The following MAD1L1 variants were observed in gnomAD, a reference collection of about 807,000 sequenced individuals.
MAD1L1 encodes the protein mitotic spindle assembly checkpoint protein MAD1.
Under a neutral mutation model 96.9 loss-of-function variants are expected in MAD1L1, and 95 were observed. The ratio of observed to expected loss-of-function variants is 0.98; its 90% CI spans 0.83 to 1.16. The LOEUF is 1.16. Among genes scored for constraint, MAD1L1 ranks in the 50% most tolerant of loss-of-function variants. The pLI, the probability that MAD1L1 is intolerant of heterozygous loss-of-function variation, is 0.00. For synonymous variants in MAD1L1, 473 were observed against 396.6 expected (o/e 1.19, Z -2.29); for missense variants, 1,007 against 954.4 (o/e 1.06, Z -0.73).
intron 10 of MAD1L1, among the ~76,000 whole-genome samples, chr7:2,159,495 C>G (rs150803294): frequency 5.3e-4 from 80 of 152,338 alleles, no homozygotes; most frequent in African/African-American, 1.9e-3. Context: ...CAGCTGAGAT[C>G]CTGCATCTTT....
At chr7:2,183,457 GTT>G (rs1466345885) in intron 10 of MAD1L1, among the ~76,000 whole-genome samples, 1 of 152,162 alleles carries the variant, frequency 6.6e-6, no homozygotes, top group Admixed American at 6.5e-5. Context: ...ACAAAGCTAT[GTT>G]TATTGCGGCA....
chr7:2,019,387 A>G (rs966408407), intron 12 of MAD1L1, among the ~76,000 whole-genome samples: 1 of 152,208 alleles, frequency 6.6e-6, no homozygotes, highest in Non-Finnish European at 1.5e-5. Context: ...AGCGGCAGTA[A>G]TAAGCGCCTC....
At chr7:1,893,973 T>C (rs1786712004) in intron 18 of MAD1L1, among the ~76,000 whole-genome samples, 1 of 152,252 alleles carries the variant, frequency 6.6e-6, no homozygotes, top group Admixed American at 6.5e-5. Context: ...ACTGTTTGTC[T>C]CTTCCCTTTT....
chr7:2,037,688 G>A (rs1426755509), intron 12 of MAD1L1, among the ~76,000 whole-genome samples: 1 of 152,058 alleles, frequency 6.6e-6, no homozygotes, highest in Non-Finnish European at 1.5e-5. Context: ...ATTCTGGGAC[G>A]CCACACACTA....
At chr7:2,011,071 CG>C (rs955873489) in intron 13 of MAD1L1, among the ~76,000 whole-genome samples, 1 of 151,372 alleles carries the variant, frequency 6.6e-6, no homozygotes, top group Non-Finnish European at 1.5e-5. Context: ...GCAGGGGGTT[CG>C]GGGGGAGCAC....
chr7:1,971,606 C>T (rs1018400665), intron 15 of MAD1L1, among the ~76,000 whole-genome samples: 4 of 152,128 alleles, frequency 2.6e-5, no homozygotes, highest in African/African-American at 7.2e-5. Flanking sequence ...AGCTTGAACA[C>T]GTGCACTTAA....
intron 14 of MAD1L1, among the ~76,000 whole-genome samples, chr7:1,987,156 C>G (rs939511561): frequency 3.3e-5 from 5 of 152,232 alleles, no homozygotes. Context: ...CCCCTGCCAG[C>G]TGGAAGTGCC....
chr7:2,163,636 G>C (rs908613840), intron 10 of MAD1L1, among the ~76,000 whole-genome samples: 2 of 152,138 alleles, frequency 1.3e-5, no homozygotes, highest in Non-Finnish European at 2.9e-5. Flanking sequence ...GCCTCCCAAA[G>C]TGCTGAGATT....
chr7:1,935,245 A>T (rs1048974713), intron 17 of MAD1L1, among the ~76,000 whole-genome samples: 2 of 152,226 alleles, frequency 1.3e-5, no homozygotes, highest in Non-Finnish European at 2.9e-5. Context: ...GCGGAGAGGG[A>T]GCCACGGCTG....
At chr7:1,873,339 T>C (rs539297689) in intron 18 of MAD1L1, among the ~76,000 whole-genome samples, 1 of 151,984 alleles carries the variant, frequency 6.6e-6, no homozygotes, top group East Asian at 1.9e-4. Context: ...CTAAATGGGG[T>C]TGTAATTACA....
intron 12 of MAD1L1, among the ~76,000 whole-genome samples, chr7:2,038,909 T>A (rs190551426): frequency 6.6e-6 from 1 of 152,132 alleles, no homozygotes; most frequent in Non-Finnish European, 1.5e-5. Flanking sequence ...TTCCTCCCAA[T>A]AGCAACATCT....
chr7:2,156,411 A>G (rs1326786446), intron 10 of MAD1L1, among the ~76,000 whole-genome samples: 1 of 108,952 alleles, frequency 9.2e-6, no homozygotes, highest in Non-Finnish European at 1.9e-5. Context: ...GCCCCGCCCC[A>G]CCCCACCCCA....
chr7:1,941,000 G>GCCTCCTCTTCCTCTCCCAGGCCTCAA (rs1778965831), intron 16 of MAD1L1, among the ~76,000 whole-genome samples: 2 of 78,078 alleles, frequency 2.6e-5, no homozygotes, highest in African/African-American at 9.3e-5. Context: ...CCAGGCCTCA[G>GCCTCCTCTTCCTCTCCCAGGCCTCAA]CCTCCTCTTC....
intron 18 of MAD1L1, among the ~76,000 whole-genome samples, chr7:1,869,672 G>A (rs1784948942): frequency 6.6e-6 from 1 of 152,284 alleles, no homozygotes; most frequent in South Asian, 2.1e-4. Flanking sequence ...AGCCTGCGTC[G>A]GTAATGAGCT....
chr7:2,212,800 A>G (rs1244376598), intron 10 of MAD1L1, among the ~76,000 whole-genome samples: 1 of 152,152 alleles, frequency 6.6e-6, no homozygotes, highest in Non-Finnish European at 1.5e-5. Flanking sequence ...AGAACAGCCT[A>G]ATACAGTGGG....
chr7:2,112,364 AAGGGAAC>A (rs995218752), intron 11 of MAD1L1, among the ~76,000 whole-genome samples: 27 of 152,172 alleles, frequency 1.8e-4, no homozygotes, highest in African/African-American at 6.5e-4. Context: ...CGGTAAACCT[AAGGGAAC>A]CACAAACAAA....
chr7:2,210,897 G>A (rs907993235), intron 10 of MAD1L1, among the ~76,000 whole-genome samples: 1 of 152,224 alleles, frequency 6.6e-6, no homozygotes, highest in Non-Finnish European at 1.5e-5. Context: ...CCAACTCACA[G>A]GGCCCTCCAC....
chr7:1,842,174 T>G (rs1213895127), intron 18 of MAD1L1, among the ~76,000 whole-genome samples: 1 of 152,222 alleles, frequency 6.6e-6, no homozygotes, highest in Non-Finnish European at 1.5e-5. Context: ...TGTTTGACAC[T>G]AACTACTCAC....
At chr7:2,158,492 C>T (rs1359688278) in intron 10 of MAD1L1, among the ~76,000 whole-genome samples, 1 of 152,242 alleles carries the variant, frequency 6.6e-6, no homozygotes, top group Admixed American at 6.5e-5. Flanking sequence ...GGGGCTCCAG[C>T]CAGAGCCCTG....
Sources: gnomAD v4.1 joint callset for allele counts (sites outside exome capture counted in the v4.1 genomes callset) on GRCh38, gnomAD v4.1.1 for gene constraint, MANE v1.5 for transcripts, NCBI Gene and HGNC (gene_info 2026-07-23, HGNC 2026-07-21) for gene names.